Variants in DNAH8 observed in about 807,000 individuals in gnomAD.
DNAH8 encodes axonemal beta dynein heavy chain 8.
In DNAH8, 382 loss-of-function variants were observed where a neutral mutation model predicts 562.1. The observed-to-expected ratio is 0.68, with a 90% confidence interval of 0.63 to 0.74. The LOEUF (loss-of-function observed/expected upper bound fraction) is 0.74. Among genes scored for constraint, DNAH8 ranks in the 30% least tolerant of loss-of-function variants. The probability of loss-of-function intolerance (pLI) is 0.00; values close to 1 mark genes in which losing one functional copy is unlikely to be tolerated. For synonymous variants in DNAH8, 1,881 were observed against 1,919.4 expected (o/e 0.98, Z 0.52); for missense variants, 5,203 against 5,620.4 (o/e 0.93, Z 2.37).
intron 88 of DNAH8, among the ~76,000 whole-genome samples, chr6:38,998,740 AC>A (rs1765300262): frequency 6.6e-6 from 1 of 152,138 alleles, no homozygotes; most frequent in African/African-American, 2.4e-5. Flanking sequence ...TCCCAGAACC[AC>A]CAAGCTACAA....
chr6:38,976,582 G>A (rs182361901), intron 85 of DNAH8, among the ~76,000 whole-genome samples: 12 of 152,292 alleles, frequency 7.9e-5, no homozygotes, highest in African/African-American at 2.9e-4. Context: ...GCTTGTTGGA[G>A]GTGCATGTCA....
rs755832054 is a variant in DNAH8 at position 38,898,353 on chromosome 6, T to C, written c.9036T>C (p.Phe3012=). 1 of 1,584,670 alleles carries C rather than the reference T, an allele frequency of 6.3e-7. No individual in the cohort carries two copies. Among genetic ancestry groups the C allele is most frequent in the South Asian group, 1.2e-5 (1 of 83,290 alleles). Reference sequence around the variant, plus strand: ...GAACATCTCTTGATCTGGTGTTTTTTAAAGATGCAATGACTCATCTTATTA... The same window carrying C: ...GAACATCTCTTGATCTGGTGTTTTTCAAAGATGCAATGACTCATCTTATTA... ...IRGTSLDLVF[F]KDAMTHLIKI... The change falls in exon 61 of 93, where the codon TTT becomes TTC. Residue 3012 remains phenylalanine, a synonymous_variant. Transcript: ENST00000327475.
intron 56 of DNAH8, among the ~76,000 whole-genome samples, chr6:38,884,529 G>T (rs1014040183): frequency 2.6e-5 from 4 of 152,096 alleles, no homozygotes; most frequent in Admixed American, 6.5e-5. Flanking sequence ...CCTGACCTCA[G>T]ATGATCCGCC....
intron 37 of DNAH8, among the ~76,000 whole-genome samples, chr6:38,849,853 G>A (rs1775604598): frequency 6.6e-6 from 1 of 151,944 alleles, no homozygotes; most frequent in Non-Finnish European, 1.5e-5. Context: ...CTATTGAGCT[G>A]TAATTATTCC....
chr6:38,928,895 A>G (rs1157599555), intron 74 of DNAH8, among the ~76,000 whole-genome samples: 2 of 152,188 alleles, frequency 1.3e-5, no homozygotes, highest in Non-Finnish European at 2.9e-5. Flanking sequence ...TAACAAACGC[A>G]TTAATCTAAA....
At chr6:38,883,138 A>G in intron 54 of DNAH8, 86 bp downstream of exon 54, 1 of 1,379,746 alleles carries the variant, frequency 7.2e-7, no homozygotes, top group Non-Finnish European at 9.7e-7. Context: ...CAGCACTTTT[A>G]TAGTACACAT....
chr6:38,776,020 TGTAAA>T, intron 13 of DNAH8, 69 bp downstream of exon 13: 6 of 959,260 alleles, frequency 6.3e-6, no homozygotes, highest in Non-Finnish European at 9.8e-6. Context: ...TGGTACTTTT[TGTAAA>T]TATTCACATG....
chr6:38,751,483 A>C (rs1334851434), intron 9 of DNAH8, among the ~76,000 whole-genome samples: 1 of 152,160 alleles, frequency 6.6e-6, no homozygotes, highest in Non-Finnish European at 1.5e-5. Flanking sequence ...GGGGCTGCCT[A>C]TCAAGGTAGA....
intron 62 of DNAH8, among the ~76,000 whole-genome samples, chr6:38,902,976 T>C (rs374855081): frequency 1.8e-4 from 28 of 152,176 alleles, no homozygotes; most frequent in Admixed American, 5.2e-4. Context: ...TAAAAATCTT[T>C]TATACTGTAT....
intron 15 of DNAH8, 78 bp downstream of exon 15, chr6:38,780,143 C>T: frequency 7.4e-7 from 1 of 1,356,764 alleles, no homozygotes; most frequent in Non-Finnish European, 1.0e-6. Flanking sequence ...CCATCATTGT[C>T]TCATGCCAAG....
At chr6:38,858,977 G>A (rs1351418066) in intron 42 of DNAH8, among the ~76,000 whole-genome samples, 1 of 152,066 alleles carries the variant, frequency 6.6e-6, no homozygotes, top group African/African-American at 2.4e-5. Context: ...TTTACATCCA[G>A]AGGGATTAAA....
intron 57 of DNAH8, 68 bp downstream of exon 57, chr6:38,887,072 T>G: frequency 1.7e-6 from 2 of 1,185,006 alleles, no homozygotes; most frequent in Non-Finnish European, 2.5e-6. Context: ...AAATTTCATT[T>G]AAGAGACAAA....
Position 38,945,602 on chromosome 6 carries a change from G to A in DNAH8, c.12129+14G>A. On this transcript the variant is annotated intron_variant, in intron 80 of 92. Coordinates refer to ENST00000327475, the MANE Select transcript of DNAH8 (RefSeq NM_001206927.2). ...ATTATGAACCAGGTAATACAATAAA[G>A]GGCTGGTTGAAAGTGCAGATCTGCA... The A allele has an allele frequency of 6.2e-7, 1 of 1,613,628 alleles. No individual in the cohort carries two copies. The highest frequency in any genetic ancestry group is 8.5e-7 in the Non-Finnish European group (1 of 1,179,742).
Position 38,917,293 on chromosome 6 carries a change from C to A in DNAH8, c.10195C>A (p.Leu3399Ile), listed in dbSNP as rs1476956874. Reference sequence around the variant, plus strand: ...CAGGAAACTTGCAAAACCACCACATCTTATTATGAGAATCATGGACTGTGT... The same window carrying A: ...CAGGAAACTTGCAAAACCACCACATATTATTATGAGAATCATGGACTGTGT... ...TVRKLAKPPHLIMRIMDCVLL... is the reference protein window; with the variant it reads ...TVRKLAKPPHIIMRIMDCVLL... Residue 3399 changes from leucine to isoleucine, a missense_variant, in exon 69 of 93, where the codon CTT (leucine) becomes ATT (isoleucine). Leu to Ile is a conservative substitution (Grantham distance 5). This residue lies in a region of DNAH8 where 87 missense variants were observed against 144.9 expected (regional missense o/e 0.60). Transcript: ENST00000327475. The A allele has an allele frequency of 6.2e-7, 1 of 1,613,478 alleles. No homozygotes were observed. Among genetic ancestry groups the A allele is most frequent in the Admixed American group, 1.7e-5 (1 of 59,992 alleles).
intron 89 of DNAH8, 91 bp downstream of exon 89, chr6:39,009,061 G>T: frequency 1.1e-6 from 1 of 935,988 alleles, no homozygotes; most frequent in East Asian, 2.5e-5. Context: ...AAATCTACCT[G>T]TTGGTGACTA....
At chr6:38,863,787 T>TATTA in intron 44 of DNAH8, 86 bp from the exon 45 acceptor site, 1 of 1,096,976 alleles carries the variant, frequency 9.1e-7, no homozygotes, top group Non-Finnish European at 1.3e-6. Context: ...CAATGTATAA[T>TATTA]GGTTTGGGAG....
chr6:38,883,412 A>C lies in DNAH8; in HGVS notation c.8092A>C (p.Lys2698Gln). 4 of 1,613,006 alleles carry C rather than the reference A, an allele frequency of 2.5e-6. No individual in the cohort carries two copies. The highest frequency in any genetic ancestry group is 3.4e-6 in the Non-Finnish European group (4 of 1,179,454). The change falls in exon 55 of 93, where the codon AAA (lysine) becomes CAA (glutamine). Residue 2698 changes from lysine (K) to glutamine (Q), a missense_variant. By Grantham distance (53) the Lys-to-Gln change is moderately conservative. Transcript: ENST00000327475. The part of the protein sequence containing the change: ...KKYDPEVQLS[K>Q]SLNFSSATEP... ...ATATGATCCTGAAGTACAGCTATCC[A>C]AAAGTCTAAACTTTTCATCTGCCAC...
intron 24 of DNAH8, among the ~76,000 whole-genome samples, chr6:38,813,118 T>A (rs995228095): frequency 1.3e-5 from 2 of 152,236 alleles, no homozygotes; most frequent in East Asian, 3.8e-4. Flanking sequence ...TACCAAATGA[T>A]CTAGTGCACT....
intron 43 of DNAH8, among the ~76,000 whole-genome samples, chr6:38,860,837 G>C (rs1281785515): frequency 6.6e-6 from 1 of 152,240 alleles, no homozygotes; most frequent in South Asian, 2.1e-4. Flanking sequence ...AAGAATAAAA[G>C]CAAGCTTGAA....
Sources: allele counts gnomAD v4.1 joint callset (sites outside exome capture counted in the v4.1 genomes callset), GRCh38; gene constraint gnomAD v4.1.1; regional missense constraint gnomAD v4.1.1; transcripts MANE v1.5; gene names NCBI Gene and HGNC (gene_info 2026-07-23, HGNC 2026-07-21).